SIPA1L1: variants seen among roughly 807,000 people sequenced by gnomAD.
The protein encoded by SIPA1L1 is signal induced proliferation associated 1 like 1.
In SIPA1L1, 26 loss-of-function variants were observed where a neutral mutation model predicts 162.7. The observed-to-expected ratio is 0.16, with a 90% confidence interval of 0.12 to 0.22. SIPA1L1 has a LOEUF of 0.22. SIPA1L1 is among the 10% of genes least tolerant of loss of function. SIPA1L1 has a pLI of 1.00. For missense variants in SIPA1L1, 1,874 were observed against 2,241.0 expected (o/e 0.84, Z 3.31); for synonymous variants, 829 against 837.4 (o/e 0.99, Z 0.17).
chr14:71,585,170 A>G (rs1302339173), intron 4 of SIPA1L1, among the ~76,000 whole-genome samples: 3 of 151,810 alleles, frequency 2.0e-5, no homozygotes, highest in African/African-American at 7.3e-5. Context: ...AGGGAGATGG[A>G]AAATGAGAGG....
intron 5 of SIPA1L1, among the ~76,000 whole-genome samples, chr14:71,599,100 T>C (rs1265463259): frequency 2.0e-5 from 3 of 151,986 alleles, no homozygotes; most frequent in Non-Finnish European, 4.4e-5. Flanking sequence ...AACATAATGA[T>C]CTGCAGTTCC....
At chr14:71,729,993 C>T in intron 19 of SIPA1L1, 62 bp from the exon 20 acceptor site, 1 of 1,568,978 alleles carries the variant, frequency 6.4e-7, no homozygotes, top group South Asian at 1.2e-5. Context: ...CCTCCCCCAA[C>T]CTTGGTCTCA....
chr14:71,598,314 G>C (rs751539645), intron 5 of SIPA1L1: 10 of 700,126 alleles, frequency 1.4e-5, no homozygotes, highest in Non-Finnish European at 1.8e-5. Flanking sequence ...GGAGAAGCAG[G>C]ATTTGCATGA....
intron 2 of SIPA1L1, among the ~76,000 whole-genome samples, chr14:71,328,773 TA>T (rs985306374): frequency 2.0e-5 from 3 of 152,202 alleles, no homozygotes; most frequent in Non-Finnish European, 2.9e-5. Flanking sequence ...GCACTTCTTT[TA>T]AAAAAATTGT....
intron 2 of SIPA1L1, among the ~76,000 whole-genome samples, chr14:71,433,580 G>A (rs1238652371): frequency 6.6e-6 from 1 of 152,108 alleles, no homozygotes; most frequent in Non-Finnish European, 1.5e-5. Context: ...GCCTCCCAAA[G>A]TGCTGGGATT....
At chr14:71,347,710 A>G (rs1422826258) in intron 2 of SIPA1L1, among the ~76,000 whole-genome samples, 1 of 152,178 alleles carries the variant, frequency 6.6e-6, no homozygotes, top group Admixed American at 6.6e-5. Context: ...TTGCTGTCAT[A>G]ATAGGTGTGA....
At chr14:71,687,046 C>T (rs989475121) in intron 13 of SIPA1L1, among the ~76,000 whole-genome samples, 1 of 152,210 alleles carries the variant, frequency 6.6e-6, no homozygotes, top group Non-Finnish European at 1.5e-5. Context: ...TGAACTGTTG[C>T]ATAAAACATT....
chr14:71,706,290 A>G (rs971702897), intron 16 of SIPA1L1, among the ~76,000 whole-genome samples: 2 of 152,200 alleles, frequency 1.3e-5, no homozygotes, highest in South Asian at 2.1e-4. Flanking sequence ...TGTAAATGAT[A>G]GATTATCCCA....
intron 2 of SIPA1L1, among the ~76,000 whole-genome samples, chr14:71,461,555 G>T (rs1417434734): frequency 6.6e-6 from 1 of 152,184 alleles, no homozygotes; most frequent in African/African-American, 2.4e-5. Context: ...TGACCACTCA[G>T]AGGGGTCCAT....
At chr14:71,355,632 C>T (rs973485785) in intron 2 of SIPA1L1, among the ~76,000 whole-genome samples, 3 of 152,202 alleles carry the variant, frequency 2.0e-5, no homozygotes, top group Non-Finnish European at 4.4e-5. Context: ...TTACTGTCAT[C>T]AGACTCTTTA....
In SIPA1L1 at chr14:71,395,234, T is replaced by C. The variant is rs867383894; in HGVS notation, c.-465+74053T>C. 4.6e-5 allele frequency among the ~76,000 whole-genome samples: 7 copies of C among 152,288 alleles called. No homozygotes were observed. In the South Asian group the frequency reaches 1.5e-3, roughly 32 times the overall value. The stretch of plus-strand genomic sequence containing the variant: ...GTGTGAAATTGTCAGCCACAGAGCA[T>C]GTGTTGTTTTGTTTTGTGTTTCACT... On this transcript the variant is annotated intron_variant, in intron 2 of 23. Transcript: ENST00000381232.
intron 2 of SIPA1L1, among the ~76,000 whole-genome samples, chr14:71,355,493 A>G (rs759937808): frequency 1.3e-5 from 2 of 152,212 alleles, no homozygotes; most frequent in Non-Finnish European, 2.9e-5. Flanking sequence ...CAAATACGGC[A>G]TTAGATCACC....
At chr14:71,466,596 A>T (rs1040781794) in intron 2 of SIPA1L1, among the ~76,000 whole-genome samples, 1 of 150,918 alleles carries the variant, frequency 6.6e-6, no homozygotes, top group Admixed American at 6.6e-5. Context: ...AAAAAAAAAA[A>T]CAGTAATAAA....
chr14:71,559,584 AT>A (rs2056621481), intron 4 of SIPA1L1, among the ~76,000 whole-genome samples: 1 of 152,184 alleles, frequency 6.6e-6, no homozygotes, highest in South Asian at 2.1e-4. Context: ...ACACTGTAAC[AT>A]TTTCTTTACC....
At chr14:71,438,062 A>G (rs542692890) in intron 2 of SIPA1L1, among the ~76,000 whole-genome samples, 1 of 152,294 alleles carries the variant, frequency 6.6e-6, no homozygotes, top group East Asian at 1.9e-4. Context: ...TCTGTTAAAG[A>G]AGATGTGAAA....
At chr14:71,324,413 C>G (rs529846410) in intron 2 of SIPA1L1, among the ~76,000 whole-genome samples, 1 of 152,222 alleles carries the variant, frequency 6.6e-6, no homozygotes, top group East Asian at 1.9e-4. Context: ...ACCTTAGAGC[C>G]TGTTATGTTA....
chr14:71,728,719 A>G (rs1460668180), intron 19 of SIPA1L1, among the ~76,000 whole-genome samples: 3 of 152,242 alleles, frequency 2.0e-5, no homozygotes, highest in African/African-American at 4.8e-5. Context: ...GCTTTCAACC[A>G]GCAGTGACAC....
chr14:71,639,521 T>G (rs191728948), intron 7 of SIPA1L1, among the ~76,000 whole-genome samples: 1 of 152,346 alleles, frequency 6.6e-6, no homozygotes, highest in East Asian at 1.9e-4. Context: ...GTTTAACTTC[T>G]TAATTTTTAT....
chr14:71,486,635 T>C (rs2048781629), intron 2 of SIPA1L1, among the ~76,000 whole-genome samples: 1 of 152,252 alleles, frequency 6.6e-6, no homozygotes, highest in African/African-American at 2.4e-5. Context: ...ATACAACTTT[T>C]ATTTTTTAAG....
Sources: allele counts gnomAD v4.1 joint callset (sites outside exome capture counted in the v4.1 genomes callset), GRCh38; gene constraint gnomAD v4.1.1; transcripts MANE v1.5; gene names NCBI Gene and HGNC (gene_info 2026-07-23, HGNC 2026-07-21).